KAT2B: variants seen among roughly 807,000 people sequenced by gnomAD.
The protein encoded by KAT2B is lysine acetyltransferase 2B, also known as histone acetyltransferase KAT2B.
In KAT2B, 36 loss-of-function variants were observed where a neutral mutation model predicts 105.9. That is an observed-to-expected ratio of 0.34 (90% CI 0.26 to 0.45). KAT2B has a LOEUF of 0.45. KAT2B is among the 20% of genes least tolerant of loss of function. The pLI, the probability that KAT2B is intolerant of heterozygous loss-of-function variation, is 1.00. For synonymous variants in KAT2B, 397 were observed against 377.9 expected (o/e 1.05, Z -0.59); for missense variants, 820 against 1,021.6 (o/e 0.80, Z 2.69).
At chr3:20,101,643 T>C (rs1275816402) in intron 5 of KAT2B, among the ~76,000 whole-genome samples, 175 bp downstream of exon 5, 1 of 152,196 alleles carries the variant, frequency 6.6e-6, no homozygotes, top group Non-Finnish European at 1.5e-5. Flanking sequence ...TATCATAATA[T>C]GTTGAGGTGT....
intron 13 of KAT2B, among the ~76,000 whole-genome samples, chr3:20,143,815 A>G (rs143909569): frequency 6.6e-6 from 1 of 152,334 alleles, no homozygotes; most frequent in East Asian, 1.9e-4. Flanking sequence ...TTCTGTTATA[A>G]GTGGGAGCTG....
chr3:20,109,418 G>C (rs575679905), intron 5 of KAT2B, among the ~76,000 whole-genome samples: 2 of 152,298 alleles, frequency 1.3e-5, no homozygotes, highest in East Asian at 3.9e-4. Context: ...CTAGGTTCAA[G>C]TGATCCTACC....
Position 20,063,952 on chromosome 3 carries a change from C to T in KAT2B, c.304-8381C>T, listed in dbSNP as rs181368689. Among the ~76,000 whole-genome samples, 156 of 152,214 alleles carry T rather than the reference C, an allele frequency of 1.0e-3. 1 individual carries two copies. The highest frequency in any genetic ancestry group is 3.6e-3 in the African/African-American group (149 of 41,532). On this transcript the variant is annotated intron_variant, in intron 1 of 17. Transcript: ENST00000263754. Reference sequence around the variant, plus strand: ...TGTGCACACAGATACCTAGTTTTTCCAGCACCATTTATTGAAAAGACTGTC... The same window carrying T: ...TGTGCACACAGATACCTAGTTTTTCTAGCACCATTTATTGAAAAGACTGTC...
chr3:20,107,143 G>A (rs1333686212), intron 5 of KAT2B, among the ~76,000 whole-genome samples: 6 of 139,916 alleles, frequency 4.3e-5, no homozygotes, highest in East Asian at 2.3e-4. Context: ...AGCCATTCCC[G>A]TCTCTGCCTC....
intron 13 of KAT2B, among the ~76,000 whole-genome samples, chr3:20,145,556 T>G (rs924692806): frequency 1.1e-4 from 5 of 43,892 alleles, no homozygotes; most frequent in African/African-American, 1.0e-3. Flanking sequence ...TTTTTTTAGT[T>G]TTTTTTTTTT....
chr3:20,095,925 C>G (rs1244083112), intron 3 of KAT2B, among the ~76,000 whole-genome samples: 2 of 152,092 alleles, frequency 1.3e-5, no homozygotes, highest in Admixed American at 1.3e-4. Flanking sequence ...GTTAGGATAG[C>G]CTCTCTGAGG....
In KAT2B at chr3:20,099,734, C is replaced by A. The variant is rs147185601; in HGVS notation, c.577-128C>A. 2.3e-3 allele frequency: 1,276 copies of A among 555,124 alleles called. 15 individuals are homozygous for A. Among genetic ancestry groups the A allele is most frequent in the African/African-American group, 0.021 (1,097 of 52,706 alleles). 34.4% of individuals were successfully genotyped at this position (555,124 alleles called of 1,614,324 possible). A position where few individuals can be genotyped will look rare whatever the true frequency, so the allele number is the denominator to read the frequency against. ...AAGATAAATAGAATATGGTAACTTC[C>A]TTTAAAGGCTGTGTGTGTGTGTGTA... On this transcript the variant is annotated intron_variant, in intron 3 of 17. Transcript: ENST00000263754.
At chr3:20,106,979 GTATATATATATATATATATATA>G (rs869172127) in intron 5 of KAT2B, among the ~76,000 whole-genome samples, 478 of 33,484 alleles carry the variant, frequency 0.014, 7 homozygotes, top group Middle Eastern at 0.031. Flanking sequence ...ATATATATAT[GTATATATATATATATATATATA>G]TATATATATA....
intron 2 of KAT2B, among the ~76,000 whole-genome samples, chr3:20,078,249 T>A (rs1435573255): frequency 6.6e-6 from 1 of 152,116 alleles, no homozygotes. Flanking sequence ...AGGAAACAAA[T>A]CCTTGTGATC....
chr3:20,042,940 C>T lies in KAT2B; in HGVS notation c.303+2160C>T, dbSNP rs537460574. ...TTTGAGACAGGGTCTCACTCTGCCA[C>T]GTAGGCTGGAGTGCAGTGGCATGAT... On this transcript the variant is annotated intron_variant, in intron 1 of 17. Coordinates refer to ENST00000263754, the MANE Select transcript of KAT2B (RefSeq NM_003884.5). Among the ~76,000 whole-genome samples the T allele has an allele frequency of 5.3e-5, 8 of 151,736 alleles. No homozygotes were observed. In the South Asian group the frequency reaches 1.5e-3, roughly 28 times the overall value.
intron 1 of KAT2B, among the ~76,000 whole-genome samples, chr3:20,058,672 G>A (rs968670164): frequency 1.3e-5 from 2 of 152,026 alleles, no homozygotes; most frequent in Non-Finnish European, 2.9e-5. Context: ...TGAAGTCATA[G>A]CATTATGGTA....
intron 10 of KAT2B, among the ~76,000 whole-genome samples, chr3:20,126,974 T>C (rs1264646439): frequency 6.6e-6 from 1 of 152,200 alleles, no homozygotes; most frequent in African/African-American, 2.4e-5. Context: ...AAGGATTCCA[T>C]AATGCGGAAT....
chr3:20,081,077 A>G (rs1433522707), intron 2 of KAT2B, among the ~76,000 whole-genome samples: 1 of 152,198 alleles, frequency 6.6e-6, no homozygotes, highest in Non-Finnish European at 1.5e-5. Flanking sequence ...CCTTTTGCAC[A>G]TTAGTCAATT....
intron 12 of KAT2B, among the ~76,000 whole-genome samples, chr3:20,138,907 G>C (rs1214395747): frequency 3.3e-5 from 5 of 151,912 alleles, no homozygotes; most frequent in Non-Finnish European, 5.9e-5. Context: ...TTGTTTGTTT[G>C]TTTTGAGACA....
intron 5 of KAT2B, among the ~76,000 whole-genome samples, chr3:20,110,265 A>G (rs544484354): frequency 6.6e-6 from 1 of 152,286 alleles, no homozygotes; most frequent in Non-Finnish European, 1.5e-5. Context: ...AATCTGTGGA[A>G]TAATGCTTTT....
At chr3:20,067,445 A>C (rs1698242159) in intron 1 of KAT2B, among the ~76,000 whole-genome samples, 1 of 152,126 alleles carries the variant, frequency 6.6e-6, no homozygotes, top group African/African-American at 2.4e-5. Flanking sequence ...ATTCTCTGTC[A>C]TGTTAAGACA....
chr3:20,078,272 G>T (rs143213363), intron 2 of KAT2B, among the ~76,000 whole-genome samples: 9 of 152,282 alleles, frequency 5.9e-5, no homozygotes, highest in Non-Finnish European at 1.3e-4. Context: ...AACATAATTG[G>T]AATTTCTATT....
intron 8 of KAT2B, among the ~76,000 whole-genome samples, chr3:20,120,707 G>A (rs1045804594): frequency 2.0e-5 from 3 of 152,140 alleles, no homozygotes; most frequent in African/African-American, 7.2e-5. Flanking sequence ...TACCACATGG[G>A]CAAAAATATC....
At chr3:20,108,980 G>T (rs990937913) in intron 5 of KAT2B, among the ~76,000 whole-genome samples, 3 of 152,072 alleles carry the variant, frequency 2.0e-5, no homozygotes, top group Non-Finnish European at 2.9e-5. Flanking sequence ...GCAATCCCTG[G>T]TGCCAAAAAA....
Sources: allele counts gnomAD v4.1 joint callset (sites outside exome capture counted in the v4.1 genomes callset), GRCh38; gene constraint gnomAD v4.1.1; transcripts MANE v1.5; gene names NCBI Gene and HGNC (gene_info 2026-07-23, HGNC 2026-07-21).